The following GNAQ variants were observed in gnomAD, a reference collection of about 807,000 sequenced individuals.
GNAQ encodes G protein subunit alpha q.
In GNAQ, 8 loss-of-function variants were observed where a neutral mutation model predicts 43.9. The ratio of observed to expected loss-of-function variants is 0.18; its 90% CI spans 0.11 to 0.33. GNAQ has a LOEUF of 0.33. GNAQ is among the 10% of genes least tolerant of loss of function. GNAQ has a pLI of 1.00. For missense variants in GNAQ, 158 were observed against 450.8 expected, an observed-to-expected ratio of 0.35 and a Z score of 5.88; for synonymous variants, 155 against 170.7, an observed-to-expected ratio of 0.91 and a Z score of 0.71.
chr9:77,809,095 G>A (rs760809559), intron 3 of GNAQ, among the ~76,000 whole-genome samples: 1 of 152,068 alleles, frequency 6.6e-6, no homozygotes, highest in Non-Finnish European at 1.5e-5. Flanking sequence ...ATAATATATT[G>A]GTGCTAGTTC....
intron 3 of GNAQ, among the ~76,000 whole-genome samples, chr9:77,807,236 G>A (rs1248055577): frequency 6.6e-6 from 1 of 152,180 alleles, no homozygotes; most frequent in Non-Finnish European, 1.5e-5. Context: ...GACCTTATGG[G>A]TTACATAAAG....
chr9:77,786,853 C>T (rs968403958), intron 5 of GNAQ, among the ~76,000 whole-genome samples: 5 of 152,114 alleles, frequency 3.3e-5, no homozygotes, highest in Admixed American at 1.3e-4. Context: ...GATATGTACA[C>T]CTATGTGCAA....
chr9:77,842,136 G>A (rs1044974979), intron 2 of GNAQ, among the ~76,000 whole-genome samples: 3 of 152,190 alleles, frequency 2.0e-5, no homozygotes, highest in Non-Finnish European at 4.4e-5. Flanking sequence ...CTCCTTGACT[G>A]TCTTCCCCTC....
intron 2 of GNAQ, among the ~76,000 whole-genome samples, chr9:77,834,783 T>A (rs1416621545): frequency 6.6e-6 from 1 of 152,158 alleles, no homozygotes; most frequent in Non-Finnish European, 1.5e-5. Context: ...TAAGAACAGT[T>A]CTCCAAAGAG....
intron 1 of GNAQ, among the ~76,000 whole-genome samples, chr9:77,970,036 T>C (rs955690287): frequency 6.6e-6 from 1 of 152,088 alleles, no homozygotes; most frequent in East Asian, 1.9e-4. Context: ...CTCGTCAACA[T>C]GGTGAAACGC....
intron 5 of GNAQ, among the ~76,000 whole-genome samples, chr9:77,749,661 A>G (rs986798558): frequency 6.6e-6 from 1 of 152,218 alleles, no homozygotes; most frequent in Non-Finnish European, 1.5e-5. Context: ...CTCTAAAATA[A>G]TGTTTTCAAA....
chr9:77,721,222 A>C lies in GNAQ; in HGVS notation c.*101T>G, dbSNP rs1384771577. On this transcript the variant is annotated 3_prime_UTR_variant, in exon 7 of 7. Coordinates refer to ENST00000286548, the MANE Select transcript of GNAQ (RefSeq NM_002072.5). Reference sequence around the variant, plus strand: ...TCACACAGAGTCCAGGACGGCAATAAATTAGTATTATGCAAATTGTTTTCC... The same window carrying C: ...TCACACAGAGTCCAGGACGGCAATACATTAGTATTATGCAAATTGTTTTCC... 2.8e-6 allele frequency: 2 copies of C among 706,596 alleles called. No individual in the cohort carries two copies. The highest frequency in any genetic ancestry group is 5.2e-5 in the East Asian group (2 of 38,394). 43.8% of individuals were successfully genotyped at this position (706,596 alleles called of 1,614,324 possible). A position where few individuals can be genotyped will look rare whatever the true frequency, so the allele number is the denominator to read the frequency against.
chr9:77,787,168 T>A (rs1283318604), intron 5 of GNAQ, among the ~76,000 whole-genome samples: 6 of 152,220 alleles, frequency 3.9e-5, no homozygotes. Context: ...ATTCTCTTTG[T>A]ATAAAAGTTA....
In GNAQ at chr9:77,914,828, C is replaced by CAAA. The variant is rs71503232; in HGVS notation, c.321+7330_321+7332dup. On this transcript the variant is annotated intron_variant, in intron 2 of 6. Transcript: ENST00000286548. ...CATCTGATATTTTACTTTTGAACAC[C>CAAA]AAAAAAAAAAAAAAAAAAAATCAAC... 6.9e-3 allele frequency among the ~76,000 whole-genome samples: 675 copies of CAAA among 98,066 alleles called. 4 individuals carry two copies. The highest frequency in any genetic ancestry group is 0.01 in the Non-Finnish European group (460 of 45,546). The allele number at this position is 98,066 out of a possible 152,430, so 64.3% of individuals were successfully genotyped here. A position where few individuals can be genotyped will look rare whatever the true frequency, so the allele number is the denominator to read the frequency against.
intron 1 of GNAQ, among the ~76,000 whole-genome samples, chr9:77,990,471 C>A (rs1320820124): frequency 6.6e-6 from 1 of 152,176 alleles, no homozygotes; most frequent in African/African-American, 2.4e-5. Flanking sequence ...ATCCTCATGC[C>A]TCAGCCTTTT....
chr9:77,811,266 C>T (rs1252559999), intron 3 of GNAQ, among the ~76,000 whole-genome samples: 1 of 150,506 alleles, frequency 6.6e-6, no homozygotes, highest in Admixed American at 6.6e-5. Flanking sequence ...TCCAGAATAA[C>T]AATGAAGTAT....
At chr9:77,962,408 G>GA (rs1823116940) in intron 1 of GNAQ, among the ~76,000 whole-genome samples, 1 of 151,956 alleles carries the variant, frequency 6.6e-6, no homozygotes, top group Non-Finnish European at 1.5e-5. Flanking sequence ...GTAACAGAGA[G>GA]AAAATCCTAA....
intron 1 of GNAQ, among the ~76,000 whole-genome samples, chr9:77,987,705 T>C (rs921049656): frequency 3.9e-5 from 6 of 152,096 alleles, no homozygotes; most frequent in East Asian, 1.9e-4. Context: ...AGGGAGCTTC[T>C]AGTATTCGGA....
In GNAQ at chr9:77,985,553, T is replaced by C. The variant is rs149545911; in HGVS notation, c.136+45547A>G. ...CAGCTTAAAACACAGTAACTGATTA[T>C]GTGTTTTTAGATTAGTATAATTTTT... is the stretch of plus-strand genomic sequence containing the variant. On this transcript the variant is annotated intron_variant, in intron 1 of 6. Transcript: ENST00000286548. Among the ~76,000 whole-genome samples the C allele has an allele frequency of 3.0e-3, 456 of 152,298 alleles. 8 individuals carry two copies. The highest frequency in any genetic ancestry group is 0.025 in the Admixed American group (376 of 15,298).
At chr9:78,005,652 T>A (rs968556193) in intron 1 of GNAQ, among the ~76,000 whole-genome samples, 1 of 152,178 alleles carries the variant, frequency 6.6e-6, no homozygotes, top group South Asian at 2.1e-4. Flanking sequence ...CCATCCCATG[T>A]GATCCTCCCA....
intron 6 of GNAQ, among the ~76,000 whole-genome samples, chr9:77,724,452 C>G (rs1261507782): frequency 6.6e-6 from 1 of 152,192 alleles, no homozygotes; most frequent in Non-Finnish European, 1.5e-5. Flanking sequence ...CCACCTTGGC[C>G]TCCCAAAGTG....
chr9:77,870,567 C>G (rs572236437), intron 2 of GNAQ, among the ~76,000 whole-genome samples: 615 of 151,950 alleles, frequency 4.0e-3, no homozygotes, highest in Non-Finnish European at 7.3e-3. Context: ...GTCTCGTGAT[C>G]CGCCCGCCTT....
intron 5 of GNAQ, among the ~76,000 whole-genome samples, chr9:77,764,115 A>G (rs1474156999): frequency 6.6e-6 from 1 of 152,184 alleles, no homozygotes; most frequent in Non-Finnish European, 1.5e-5. Flanking sequence ...TCAAAAACCA[A>G]ATACAAACCT....
intron 5 of GNAQ, among the ~76,000 whole-genome samples, chr9:77,783,248 G>A (rs1456332706): frequency 6.6e-6 from 1 of 152,134 alleles, no homozygotes; most frequent in Non-Finnish European, 1.5e-5. Context: ...AGAAGATACA[G>A]GGGAAAATCT....
Sources: allele counts gnomAD v4.1 joint callset (sites outside exome capture counted in the v4.1 genomes callset), GRCh38; gene constraint gnomAD v4.1.1; transcripts MANE v1.5; gene names NCBI Gene and HGNC (gene_info 2026-07-23, HGNC 2026-07-21).